CCDC192: variants seen among roughly 807,000 people sequenced by gnomAD.
The protein encoded by CCDC192 is coiled-coil domain containing 192.
rs372321009 is a variant in CCDC192 at position 127,780,164 on chromosome 5, C to T, written c.223-16939C>T. Among the ~76,000 whole-genome samples the T allele has an allele frequency of 8.2e-4, 124 of 151,914 alleles. 1 individual carries two copies. The South Asian group carries it at 0.013, about 16-fold the overall frequency. ...ATACACACACACATATATACGTATACGCACACACATATATATATATATCAC... is the reference window on the plus strand; with the variant it reads ...ATACACACACACATATATACGTATATGCACACACATATATATATATATCAC... On this transcript the variant is annotated intron_variant, in intron 3 of 6. Coordinates refer to ENST00000514853, the MANE Select transcript of CCDC192 (RefSeq NM_001317938.2).
At chr5:127,769,645 C>T (rs1755436519) in intron 3 of CCDC192, among the ~76,000 whole-genome samples, 1 of 152,022 alleles carries the variant, frequency 6.6e-6, no homozygotes, top group African/African-American at 2.4e-5. Flanking sequence ...GAAAGAAATC[C>T]AGAGAATTCT....
chr5:127,894,302 T>C (rs559885757), intron 6 of CCDC192, among the ~76,000 whole-genome samples: 2,282 of 151,176 alleles, frequency 0.015, 47 homozygotes, highest in African/African-American at 0.052. Flanking sequence ...ATGCCATTCT[T>C]CTGCCTCAGC....
chr5:127,703,568 T>C (rs988603343), intron 1 of CCDC192, 61 bp downstream of exon 1: 7 of 397,120 alleles, frequency 1.8e-5, no homozygotes, highest in African/African-American at 4.1e-5. Context: ...TAAAGTAGCT[T>C]TCACTCAGTA....
At chr5:127,844,026 T>C (rs1653429040) in intron 5 of CCDC192, among the ~76,000 whole-genome samples, 1 of 152,256 alleles carries the variant, frequency 6.6e-6, no homozygotes, top group South Asian at 2.1e-4. Flanking sequence ...TTTTAATTTG[T>C]GTTGAACCCA....
chr5:127,739,307 G>A (rs1314313144), intron 2 of CCDC192, among the ~76,000 whole-genome samples: 13 of 152,190 alleles, frequency 8.5e-5, no homozygotes, highest in Non-Finnish European at 1.8e-4. Flanking sequence ...CCAGCTGGGT[G>A]CTGGGAGAAC....
At chr5:127,786,624 C>A in intron 3 of CCDC192, 1 of 756,096 alleles carries the variant, frequency 1.3e-6, no homozygotes, top group Non-Finnish European at 2.5e-6. Flanking sequence ...AACCCAGTGT[C>A]TACTGAGGTA....
At position 127,806,221 on chromosome 5, in the gene CCDC192, A is replaced by G. The variant is rs188671549; in HGVS notation, c.411+8059A>G. Among the ~76,000 whole-genome samples the G allele has an allele frequency of 8.0e-4, 122 of 152,310 alleles. 1 individual carries two copies. The highest frequency in any genetic ancestry group is 1.1e-3 in the Non-Finnish European group (78 of 68,018). On this transcript the variant is annotated intron_variant, in intron 5 of 6. Transcript: ENST00000514853. The stretch of plus-strand genomic sequence containing the variant: ...CCACTAATTAGTTGTTGGCTTTACT[A>G]GTGAGGACACACTGAGGGACAGAGA...
chr5:127,707,072 T>C (rs981002721), intron 1 of CCDC192, among the ~76,000 whole-genome samples: 1 of 152,170 alleles, frequency 6.6e-6, no homozygotes, highest in African/African-American at 2.4e-5. Flanking sequence ...CTTTGGTGAA[T>C]TGGACAAGTG....
chr5:127,734,967 A>G (rs1484407150), intron 2 of CCDC192, among the ~76,000 whole-genome samples: 1 of 144,222 alleles, frequency 6.9e-6, no homozygotes, highest in Non-Finnish European at 1.5e-5. Context: ...TTTTGTTGCC[A>G]TTGCTTTTGG....
At chr5:127,829,258 T>G (rs778511236) in intron 5 of CCDC192, among the ~76,000 whole-genome samples, 2 of 152,152 alleles carry the variant, frequency 1.3e-5, no homozygotes, top group Non-Finnish European at 2.9e-5. Context: ...AAGAGTAAGT[T>G]GAAAATGCAG....
upstream of CCDC192, among the ~76,000 whole-genome samples, chr5:127,702,736 C>T (rs545732809): frequency 6.6e-6 from 1 of 152,294 alleles, no homozygotes; most frequent in African/African-American, 2.4e-5. Context: ...CCTGTACTTC[C>T]TGTCAGAGCA....
At chr5:127,850,767 AC>A (rs1365754788) in intron 5 of CCDC192, among the ~76,000 whole-genome samples, 1 of 152,152 alleles carries the variant, frequency 6.6e-6, no homozygotes, top group East Asian at 1.9e-4. Context: ...GGAGTTCAAG[AC>A]CAGCTTGGCC....
At chr5:127,715,093 T>C (rs1028282717) in intron 2 of CCDC192, among the ~76,000 whole-genome samples, 2 of 152,216 alleles carry the variant, frequency 1.3e-5, no homozygotes, top group African/African-American at 4.8e-5. Context: ...ACTATATTGA[T>C]TACTTCCTTT....
chr5:127,912,851 G>C (rs774561459), intron 6 of CCDC192, among the ~76,000 whole-genome samples: 3 of 152,150 alleles, frequency 2.0e-5, no homozygotes, highest in Non-Finnish European at 4.4e-5. Flanking sequence ...CCTAATCATA[G>C]AATAAAACAC....
chr5:127,811,663 ACT>A (rs1426377510), intron 5 of CCDC192, among the ~76,000 whole-genome samples: 4 of 152,076 alleles, frequency 2.6e-5, no homozygotes, highest in African/African-American at 9.7e-5. Flanking sequence ...GACTTTGCCT[ACT>A]CTTTCACCTG....
intron 6 of CCDC192, among the ~76,000 whole-genome samples, chr5:127,912,419 CAA>C (rs60854127): frequency 2.0e-4 from 16 of 81,440 alleles, no homozygotes; most frequent in Admixed American, 1.1e-3. Context: ...CTGGGTTTAG[CAA>C]AAAAAAAAAA....
At chr5:127,785,453 A>G (rs561564102) in intron 3 of CCDC192, 4 of 256,254 alleles carry the variant, frequency 1.6e-5, no homozygotes, top group South Asian at 1.6e-4. Context: ...ACTCAAAACC[A>G]CAAGCTTGCT....
chr5:127,702,933 G>C (rs371960514), upstream of CCDC192, among the ~76,000 whole-genome samples: 1 of 152,224 alleles, frequency 6.6e-6, no homozygotes, highest in East Asian at 1.9e-4. Context: ...GCAATCCTGT[G>C]TTAGGAAAGA....
chr5:127,787,692 G>A (rs1325007023), intron 3 of CCDC192, among the ~76,000 whole-genome samples: 2 of 152,088 alleles, frequency 1.3e-5, no homozygotes, highest in African/African-American at 4.8e-5. Context: ...TTGAAAAAAT[G>A]TATATTTTTC....
Sources: allele counts gnomAD v4.1 joint callset (sites outside exome capture counted in the v4.1 genomes callset), GRCh38; gene constraint gnomAD v4.1.1; transcripts MANE v1.5; gene names NCBI Gene and HGNC (gene_info 2026-07-23, HGNC 2026-07-21).